Variants in RAP1B observed in about 807,000 individuals in gnomAD.
The protein encoded by RAP1B is ras-related protein Rap-1b.
A neutral mutation model predicts 27.5 loss-of-function variants in RAP1B; 1 was observed. The ratio of observed to expected loss-of-function variants is 0.04; its 90% CI spans 0.01 to 0.17. RAP1B has a LOEUF of 0.17. Ranked by LOEUF, RAP1B falls within the 10% of genes least tolerant of loss-of-function variation. The pLI is 1.00. For missense variants in RAP1B, 84 were observed against 214.8 expected, an observed-to-expected ratio of 0.39 and a Z score of 3.81; for synonymous variants, 75 against 73.1, an observed-to-expected ratio of 1.03 and a Z score of -0.13.
intron 4 of RAP1B, 105 bp from the exon 5 acceptor site, chr12:68,654,006 TA>T: frequency 1.1e-6 from 1 of 933,658 alleles, no homozygotes; most frequent in South Asian, 1.8e-5. Context: ...CAAAGTTACA[TA>T]ATACTACAGT....
chr12:68,616,121 A>G (rs1870983042), intron 1 of RAP1B, among the ~76,000 whole-genome samples: 1 of 148,606 alleles, frequency 6.7e-6, no homozygotes, highest in Admixed American at 6.7e-5. Flanking sequence ...CCGCCACCAC[A>G]CCTGGCTAAT....
chr12:68,634,462 A>C (rs963397099), intron 1 of RAP1B, among the ~76,000 whole-genome samples: 1 of 152,174 alleles, frequency 6.6e-6, no homozygotes, highest in Non-Finnish European at 1.5e-5. Flanking sequence ...GATGACAGGG[A>C]AAAAAGGACA....
intron 1 of RAP1B, among the ~76,000 whole-genome samples, chr12:68,616,804 G>GAT (rs1249594632): frequency 1.3e-5 from 2 of 151,830 alleles, no homozygotes; most frequent in African/African-American, 4.8e-5. Flanking sequence ...GGGCTCAAGG[G>GAT]ATCTGCCCAT....
chr12:68,650,419 G>C lies in RAP1B; in HGVS notation c.77G>C (p.Gly26Ala). ...KSALTVQFVQGIFVEKYDPTI... is the reference protein window; with the variant it reads ...KSALTVQFVQAIFVEKYDPTI... Reference sequence around the variant, plus strand: ...TTTCAGACTGTACAATTTGTTCAAGGAATTTTTGTAGAAAAATACGATCCT... The same window carrying C: ...TTTCAGACTGTACAATTTGTTCAAGCAATTTTTGTAGAAAAATACGATCCT... Residue 26 changes from glycine to alanine, a missense_variant, in exon 3 of 8, where the codon GGA becomes GCA. Transcript: ENST00000250559. 1 of 1,561,670 alleles carries C rather than the reference G, an allele frequency of 6.4e-7. No individual in the cohort carries two copies. Among genetic ancestry groups the C allele is most frequent in the Non-Finnish European group, 8.7e-7 (1 of 1,151,826 alleles).
At chr12:68,647,568 T>A (rs1323643683) in intron 1 of RAP1B, among the ~76,000 whole-genome samples, 1 of 151,508 alleles carries the variant, frequency 6.6e-6, no homozygotes, top group Non-Finnish European at 1.5e-5. Context: ...CTGCTCTTTT[T>A]TTCCCTTTTT....
chr12:68,622,792 T>C (rs1871474922), intron 1 of RAP1B, among the ~76,000 whole-genome samples: 1 of 152,228 alleles, frequency 6.6e-6, no homozygotes, highest in African/African-American at 2.4e-5. Flanking sequence ...ATTATTTTAG[T>C]TAGAAAAATA....
At chr12:68,631,522 TCTC>T (rs1323665669) in intron 1 of RAP1B, among the ~76,000 whole-genome samples, 2 of 152,178 alleles carry the variant, frequency 1.3e-5, no homozygotes, top group Admixed American at 6.5e-5. Context: ...TACTCAGAGA[TCTC>T]CTTAATCTTA....
At chr12:68,638,080 G>T (rs1872749875) in intron 1 of RAP1B, among the ~76,000 whole-genome samples, 1 of 152,130 alleles carries the variant, frequency 6.6e-6, no homozygotes, top group South Asian at 2.1e-4. Context: ...TAGGATTAAA[G>T]CAGTCTTTAA....
At chr12:68,637,624 A>AAAAAAAAAAAAAAC (rs1872721049) in intron 1 of RAP1B, among the ~76,000 whole-genome samples, 1 of 150,660 alleles carries the variant, frequency 6.6e-6, no homozygotes, top group Non-Finnish European at 1.5e-5. Context: ...AAAAAAAAAA[A>AAAAAAAAAAAAAAC]AAAACAAGAT....
intron 1 of RAP1B, among the ~76,000 whole-genome samples, chr12:68,623,266 G>A (rs543512781): frequency 3.3e-4 from 50 of 152,196 alleles, no homozygotes; most frequent in African/African-American, 9.4e-4. Context: ...AGAGTCAAAG[G>A]AAGAAGTGAA....
At chr12:68,642,598 C>T in intron 1 of RAP1B, 2 of 1,024,072 alleles carry the variant, frequency 2.0e-6, no homozygotes, top group Admixed American at 3.4e-5. Context: ...CGTTCAAGTC[C>T]TCAGTGGTCA....
At chr12:68,639,561 C>A (rs753585217) in intron 1 of RAP1B, among the ~76,000 whole-genome samples, 6 of 152,148 alleles carry the variant, frequency 3.9e-5, no homozygotes, top group Non-Finnish European at 7.3e-5. Context: ...TTGACACTAA[C>A]CTCCTAAGAA....
chr12:68,622,032 T>C (rs1370593018), intron 1 of RAP1B, among the ~76,000 whole-genome samples: 1 of 152,224 alleles, frequency 6.6e-6, no homozygotes, highest in African/African-American at 2.4e-5. Context: ...CCTTTTATTG[T>C]ACTCTGTTGT....
At position 68,661,909 on chromosome 12, in the gene RAP1B, G is replaced by A. The variant is rs905008030; in HGVS notation, c.*2660G>A. ...CCAGCTCTTCCAGTTCCTACTATATGCCTTTGGTTGGGTGCCTTGGTTTCC... is the reference window on the plus strand; with the variant it reads ...CCAGCTCTTCCAGTTCCTACTATATACCTTTGGTTGGGTGCCTTGGTTTCC... On this transcript the variant is annotated 3_prime_UTR_variant, in exon 8 of 8. Transcript: ENST00000250559. 1 of 151,400 alleles carries A rather than the reference G, an allele frequency of 6.6e-6. No homozygotes were observed. The highest frequency in any genetic ancestry group is 2.4e-5 in the African/African-American group (1 of 41,194). 9.4% of individuals were successfully genotyped at this position (151,400 alleles called of 1,614,324 possible).
rs75101118 is a variant in RAP1B at position 68,646,050 on chromosome 12, T to A, written c.-26-2649T>A. ...ACAAATAATAATGCTCATTCATGGA[T>A]AAATGAAGCAGCTGGGAAAAAGAGT... is the stretch of plus-strand genomic sequence containing the variant. On this transcript the variant is annotated intron_variant, in intron 1 of 7. Transcript: ENST00000250559. 3.5e-3 allele frequency among the ~76,000 whole-genome samples: 538 copies of A among 152,292 alleles called. 8 individuals are homozygous for A. Among genetic ancestry groups the A allele is most frequent in the African/African-American group, 0.012 (515 of 41,554 alleles).
At chr12:68,648,462 G>A (rs903699425) in intron 1 of RAP1B, among the ~76,000 whole-genome samples, 1 of 152,158 alleles carries the variant, frequency 6.6e-6, no homozygotes, top group African/African-American at 2.4e-5. Flanking sequence ...TGATAGGTTG[G>A]ATTTCTTTTC....
chr12:68,618,644 CAG>C (rs1300876927), intron 1 of RAP1B, among the ~76,000 whole-genome samples: 4 of 152,120 alleles, frequency 2.6e-5, no homozygotes, highest in Admixed American at 2.6e-4. Context: ...AGTATAAAAA[CAG>C]TGGTGGATAA....
intron 1 of RAP1B, among the ~76,000 whole-genome samples, chr12:68,634,477 T>C (rs951902131): frequency 1.1e-4 from 16 of 152,294 alleles, no homozygotes; most frequent in Middle Eastern, 3.4e-3. Flanking sequence ...AGGACATTTT[T>C]TTAAGTCACA....
At position 68,661,729 on chromosome 12, in the gene RAP1B, A is replaced by T. The variant is rs1343089226; in HGVS notation, c.*2480A>T. ...GGATTGTTGGGGGACAAGGGAGGTG[A>T]ACTTGGAGGGCAAAATCACCCTGGT... is the stretch of plus-strand genomic sequence containing the variant. On this transcript the variant is annotated 3_prime_UTR_variant, in exon 8 of 8. Transcript: ENST00000250559. The T allele has an allele frequency of 6.6e-6, 1 of 151,986 alleles. No homozygotes were observed. Among genetic ancestry groups the T allele is most frequent in the Non-Finnish European group, 1.5e-5 (1 of 68,020 alleles). 9.4% of individuals were successfully genotyped at this position (151,986 alleles called of 1,614,324 possible). A position where few individuals can be genotyped will look rare whatever the true frequency, so the allele number is the denominator to read the frequency against.
Sources: allele counts gnomAD v4.1 joint callset (sites outside exome capture counted in the v4.1 genomes callset), GRCh38; gene constraint gnomAD v4.1.1; transcripts MANE v1.5; gene names NCBI Gene and HGNC (gene_info 2026-07-23, HGNC 2026-07-21).